FBXO15: variants seen among roughly 807,000 people sequenced by gnomAD.
FBXO15 encodes F-box only protein 15.
FBXO15 carries 30 observed loss-of-function variants against 49.5 expected under a neutral mutation model. The observed-to-expected ratio is 0.61, with a 90% CI of 0.45 to 0.82. FBXO15 has a LOEUF of 0.82. Among genes scored for constraint, FBXO15 ranks in the 40% least tolerant of loss-of-function variants. FBXO15 has a pLI of 0.00. For missense variants in FBXO15, 591 were observed against 631.5 expected (o/e 0.94, Z 0.69); for synonymous variants, 250 against 232.7 (o/e 1.07, Z -0.68).
chr18:74,087,489 T>C (rs1161336993), intron 8 of FBXO15, among the ~76,000 whole-genome samples: 6 of 152,214 alleles, frequency 3.9e-5, no homozygotes, highest in Non-Finnish European at 5.9e-5. Flanking sequence ...GAACATACGG[T>C]ATTTTGTTTT....
At position 74,147,654 on chromosome 18, in the gene FBXO15, C is replaced by T. The variant is rs1013857196; in HGVS notation, c.116+16G>A. 4.3e-6 allele frequency: 6 copies of T among 1,400,728 alleles called. No homozygotes were observed. In the African/African-American group the frequency reaches 7.6e-5, roughly 18 times the overall value. 86.8% of individuals were successfully genotyped at this position (1,400,728 alleles called of 1,614,324 possible). On this transcript the variant is annotated intron_variant, in intron 1 of 9. Transcript: ENST00000419743. ...GCTTCCCGCCAGGGGACCCCACCCG[C>T]AGGCCCTACAGTCACCTGCACCCAA...
intron 9 of FBXO15, among the ~76,000 whole-genome samples, chr18:74,079,586 A>C (rs1912400719): frequency 6.7e-6 from 1 of 149,222 alleles, no homozygotes; most frequent in Non-Finnish European, 1.5e-5. Flanking sequence ...TGTAATAATT[A>C]TCAGTATCTT....
At chr18:74,112,289 A>C (rs1914061665) in intron 8 of FBXO15, among the ~76,000 whole-genome samples, 2 of 152,212 alleles carry the variant, frequency 1.3e-5, no homozygotes, top group South Asian at 4.1e-4. Flanking sequence ...ATCCTCAACA[A>C]AATATTGGCA....
At chr18:74,134,413 C>G (rs1978588181) in intron 3 of FBXO15, among the ~76,000 whole-genome samples, 1 of 148,422 alleles carries the variant, frequency 6.7e-6, no homozygotes, top group South Asian at 2.1e-4. Flanking sequence ...CTCTGTCACC[C>G]AGGCTAGAGT....
At chr18:74,107,256 A>C (rs1913810985) in intron 8 of FBXO15, among the ~76,000 whole-genome samples, 1 of 151,914 alleles carries the variant, frequency 6.6e-6, no homozygotes. Context: ...AGAAGACATT[A>C]TATTCAGTGA....
chr18:74,111,279 GA>G (rs925389722), intron 8 of FBXO15, among the ~76,000 whole-genome samples: 38 of 129,176 alleles, frequency 2.9e-4, no homozygotes, highest in South Asian at 1.0e-3. Flanking sequence ...AAAAAAAAAA[GA>G]AAAAAAAACA....
At chr18:74,145,307 C>T (rs1210864268) in intron 1 of FBXO15, among the ~76,000 whole-genome samples, 3 of 152,100 alleles carry the variant, frequency 2.0e-5, no homozygotes, top group African/African-American at 7.2e-5. Flanking sequence ...TGTTTTCACA[C>T]TTTTAAAACG....
chr18:74,125,972 T>C lies in FBXO15; in HGVS notation c.912+3A>G. 4 of 1,613,924 alleles carry C rather than the reference T, an allele frequency of 2.5e-6. No homozygotes were observed. The highest frequency in any genetic ancestry group is 3.4e-6 in the Non-Finnish European group (4 of 1,179,920). On this transcript the variant is annotated splice_donor_region_variant and intron_variant, in intron 6 of 9. Coordinates refer to ENST00000419743, the MANE Select transcript of FBXO15 (RefSeq NM_001142958.2). ...ACAGTACATACAGGGACTCAAGTCT[T>C]ACCTTCCACACTCCCACCAGGAGGC... is the stretch of plus-strand genomic sequence containing the variant.
intron 8 of FBXO15, among the ~76,000 whole-genome samples, chr18:74,090,257 T>C (rs1047143245): frequency 2.4e-4 from 36 of 152,302 alleles, no homozygotes; most frequent in Middle Eastern, 3.4e-3. Flanking sequence ...GGGTCAGTGG[T>C]AATGCCCCCT....
intron 8 of FBXO15, among the ~76,000 whole-genome samples, chr18:74,120,062 A>G (rs1003739250): frequency 2.0e-5 from 3 of 152,256 alleles, no homozygotes; most frequent in Non-Finnish European, 4.4e-5. Flanking sequence ...ATACTGGCAT[A>G]GAAGGCACAG....
rs781566157 is a variant in FBXO15 at position 74,073,647 on chromosome 18, C to T, written c.1347G>A (p.Ser449=). 3.0e-5 allele frequency: 48 copies of T among 1,613,742 alleles called. No homozygotes were observed. The highest frequency in any genetic ancestry group is 7.7e-5 in the South Asian group (7 of 91,072). ...WCFSSPVCLR[S]PATPSDSSSF... ...TAGAGCTGTCAGAGGGTGTGGCAGGCGATCTCAGGCACACCGGGGAACTGA... is the reference window on the plus strand; with the variant it reads ...TAGAGCTGTCAGAGGGTGTGGCAGGTGATCTCAGGCACACCGGGGAACTGA... The change falls in exon 10 of 10, where the codon TCG becomes TCA. Residue 449 remains serine (S), a synonymous_variant. Coordinates refer to ENST00000419743, the MANE Select transcript of FBXO15 (RefSeq NM_001142958.2).
At chr18:74,089,934 A>G (rs578233063) in intron 8 of FBXO15, among the ~76,000 whole-genome samples, 2 of 152,312 alleles carry the variant, frequency 1.3e-5, no homozygotes, top group South Asian at 4.1e-4. Context: ...GCCTCACAGA[A>G]TGACTTAGAG....
intron 4 of FBXO15, among the ~76,000 whole-genome samples, chr18:74,129,932 T>G (rs1978318347): frequency 6.6e-6 from 1 of 152,172 alleles, no homozygotes; most frequent in Non-Finnish European, 1.5e-5. Flanking sequence ...TGCTTTTCAT[T>G]AAAACTTTAG....
intron 8 of FBXO15, chr18:74,098,738 A>C (rs1292372841): frequency 6.6e-6 from 1 of 152,214 alleles, no homozygotes; most frequent in Non-Finnish European, 1.5e-5. Flanking sequence ...CTAGAGACCT[A>C]GACATCCAAA....
chr18:74,099,649 C>A (rs1269445747), intron 8 of FBXO15: 1 of 152,178 alleles, frequency 6.6e-6, no homozygotes, highest in Non-Finnish European at 1.5e-5. Flanking sequence ...CACCAACCTA[C>A]TAGTTGCTGC....
intron 8 of FBXO15, 153 bp from the exon 9 acceptor site, chr18:74,082,204 G>C: frequency 3.4e-6 from 2 of 588,300 alleles, no homozygotes; most frequent in East Asian, 6.3e-5. Context: ...CCAGCCTCTG[G>C]CTTGAGGCCA....
At position 74,074,957 on chromosome 18, in the gene FBXO15, C is replaced by G. The variant is rs1198707263; in HGVS notation, c.1264-1227G>C. Among the ~76,000 whole-genome samples, 1 of 152,190 alleles carries G rather than the reference C, an allele frequency of 6.6e-6. No homozygotes were observed. Among genetic ancestry groups the G allele is most frequent in the Non-Finnish European group, 1.5e-5 (1 of 68,026 alleles). On this transcript the variant is annotated intron_variant, in intron 9 of 9. Transcript: ENST00000419743. The surrounding 1 kb of genome is among the most constrained non-coding windows in gnomAD (Gnocchi z 4.7). The stretch of plus-strand genomic sequence containing the variant: ...CTCTTGCCAATGCACATACCTCCCT[C>G]ACTCCCCTTGCAACACACCTTAGGG...
intron 2 of FBXO15, 82 bp downstream of exon 2, chr18:74,140,120 T>G: frequency 8.8e-7 from 1 of 1,142,438 alleles, no homozygotes; most frequent in Non-Finnish European, 1.2e-6. Context: ...AATAGCAACT[T>G]GGTATATACA....
chr18:74,096,268 A>G (rs1262510537), intron 8 of FBXO15, among the ~76,000 whole-genome samples: 1 of 152,132 alleles, frequency 6.6e-6, no homozygotes, highest in Non-Finnish European at 1.5e-5. Flanking sequence ...AACTCAGACA[A>G]AGGAGATGCC....
Sources: allele counts gnomAD v4.1 joint callset (sites outside exome capture counted in the v4.1 genomes callset), GRCh38; gene constraint gnomAD v4.1.1; non-coding constraint Gnocchi (gnomAD v3.1); transcripts MANE v1.5; gene names NCBI Gene and HGNC (gene_info 2026-07-23, HGNC 2026-07-21).